Variants in CASZ1 observed in about 807,000 individuals in gnomAD.
The protein encoded by CASZ1 is castor zinc finger 1.
A neutral mutation model predicts 135.2 loss-of-function variants in CASZ1; 28 were observed. That is an observed-to-expected ratio of 0.21 (90% CI 0.15 to 0.28). The LOEUF is 0.28. Ranked by LOEUF, CASZ1 falls within the 10% of genes least tolerant of loss-of-function variation. CASZ1 has a pLI of 1.00. For synonymous variants in CASZ1, 1,068 were observed against 1,073.4 expected (o/e 0.99, Z 0.10); for missense variants, 2,161 against 2,453.3 (o/e 0.88, Z 2.52).
rs1371210277 is a variant in CASZ1, at chr1:10,645,104, G to A, written c.3697-16C>T. The A allele has an allele frequency of 6.2e-7, 1 of 1,612,096 alleles. No homozygotes were observed. The highest frequency in any genetic ancestry group is 8.5e-7 in the Non-Finnish European group (1 of 1,179,058). ...ACTCGCAGTGCTGCAGGGAGACACG[G>A]GAGGGTCAGGACAGGCGGGTGACTT... On this transcript the variant is annotated splice_polypyrimidine_tract_variant and intron_variant, in intron 17 of 20. Transcript: ENST00000377022.
rs540406457 is a variant in CASZ1, at chr1:10,699,002, C to T, written c.-23-5090G>A. ...CCACTCAGCTCCCCCACCGCTCCCC[C>T]ACCCATGGCCTGGCCTGGGTTGGGG... On this transcript the variant is annotated intron_variant, in intron 3 of 20. Coordinates refer to ENST00000377022, the MANE Select transcript of CASZ1 (RefSeq NM_001079843.3). The surrounding 1 kb of genome is among the most constrained non-coding windows in gnomAD (Gnocchi z 4.6). Among the ~76,000 whole-genome samples, 36 of 152,360 alleles carry T rather than the reference C, an allele frequency of 2.4e-4. 1 individual carries two copies. Among genetic ancestry groups the T allele is most frequent in the African/African-American group, 8.2e-4 (34 of 41,594 alleles).
chr1:10,680,297 G>GC (rs1638372385), intron 4 of CASZ1, among the ~76,000 whole-genome samples: 1 of 150,828 alleles, frequency 6.6e-6, no homozygotes, highest in South Asian at 2.1e-4. Context: ...GTGGAGGGGA[G>GC]GGGGGTGCGA....
At position 10,747,044 on chromosome 1, in the gene CASZ1, C is replaced by T. The variant is rs1034064528; in HGVS notation, c.-77+13657G>A. On this transcript the variant is annotated intron_variant, in intron 2 of 20. Coordinates refer to ENST00000377022, the MANE Select transcript of CASZ1 (RefSeq NM_001079843.3). The surrounding 1 kb of genome is among the most constrained non-coding windows in gnomAD (Gnocchi z 4.3). ...ATAGCCCCCGCTAACCAGGAGTGGACGCCCAGAAGTCCATGGAGTGACAAA... is the reference window on the plus strand; with the variant it reads ...ATAGCCCCCGCTAACCAGGAGTGGATGCCCAGAAGTCCATGGAGTGACAAA... Among the ~76,000 whole-genome samples, 3 of 152,250 alleles carry T rather than the reference C, an allele frequency of 2.0e-5. No individual in the cohort carries two copies. Among genetic ancestry groups the T allele is most frequent in the East Asian group, 1.9e-4 (1 of 5,204 alleles).
rs1642148704 is a variant in CASZ1, at chr1:10,640,038, G to C, written c.4184C>G (p.Thr1395Arg). The C allele has an allele frequency of 6.2e-7, 1 of 1,608,510 alleles. No homozygotes were observed. The highest frequency in any genetic ancestry group is 8.5e-7 in the Non-Finnish European group (1 of 1,179,584). The change falls in exon 21 of 21, where the codon ACA (threonine) becomes AGA (arginine). Residue 1395 changes from threonine to arginine, a missense_variant. Around this residue, in one of 7 missense-constraint regions of CASZ1, gnomAD observed 143 missense variants for 128.3 expected, o/e 1.11. Coordinates refer to ENST00000377022, the MANE Select transcript of CASZ1 (RefSeq NM_001079843.3). ...TAAGNTISMP[T>R]ASGAKKRFWI... is the part of the protein sequence containing the mutation. ...GAAGCGCTTTTTGGCCCCCGAGGCT[G>C]TCGGCATAGAGATGGTGTTCCCTGG...
In CASZ1 at chr1:10,676,405, C is replaced by T. The variant is rs1638223932; in HGVS notation, c.17-10834G>A. The stretch of plus-strand genomic sequence containing the variant: ...GAAGCAAAGCTCTCACTCCATCACA[C>T]AGCGTTAGCCCCAAAAGGTGACCTT... On this transcript the variant is annotated intron_variant, in intron 4 of 20. Coordinates refer to ENST00000377022, the MANE Select transcript of CASZ1 (RefSeq NM_001079843.3). The surrounding 1 kb of genome is among the most constrained non-coding windows in gnomAD (Gnocchi z 4.5). Among the ~76,000 whole-genome samples the T allele has an allele frequency of 1.3e-5, 2 of 152,234 alleles. No individual in the cohort carries two copies. Among genetic ancestry groups the T allele is most frequent in the Admixed American group, 6.5e-5 (1 of 15,290 alleles).
intron 2 of CASZ1, among the ~76,000 whole-genome samples, chr1:10,733,265 G>A (rs1639734700): frequency 6.6e-6 from 1 of 152,154 alleles, no homozygotes; most frequent in South Asian, 2.1e-4. Context: ...AACTTGACCT[G>A]GGGCCCCAGA....
Position 10,739,804 on chromosome 1 carries a change from C to A in CASZ1, c.-77+20897G>T, listed in dbSNP as rs1363490636. Among the ~76,000 whole-genome samples the A allele has an allele frequency of 6.6e-6, 1 of 152,206 alleles. No individual in the cohort carries two copies. The highest frequency in any genetic ancestry group is 1.5e-5 in the Non-Finnish European group (1 of 68,042). ...CTCTAGCACATGCCTTTTGCCACCT[C>A]CCCCACTGGTCCTGGCTCTTCCTTC... is the stretch of plus-strand genomic sequence containing the variant. On this transcript the variant is annotated intron_variant, in intron 2 of 20. Coordinates refer to ENST00000377022, the MANE Select transcript of CASZ1 (RefSeq NM_001079843.3). This position sits in a 1 kb window ranked among gnomAD's most constrained non-coding sequence, Gnocchi z 4.8.
At chr1:10,644,825 G>C in intron 18 of CASZ1, 92 bp downstream of exon 18, 1 of 1,341,540 alleles carries the variant, frequency 7.5e-7, no homozygotes, top group Non-Finnish European at 1.0e-6. Context: ...TGGGGAACAG[G>C]ACGCGGGTAC....
At chr1:10,668,914 C>A (rs980612567) in intron 4 of CASZ1, among the ~76,000 whole-genome samples, 2 of 152,234 alleles carry the variant, frequency 1.3e-5, no homozygotes, top group African/African-American at 2.4e-5. Context: ...AGAAACCTTA[C>A]CTGGCCTGGA....
rs1383257554 is a variant in CASZ1, at chr1:10,762,848, C to T, written c.-233-1991G>A. Among the ~76,000 whole-genome samples the T allele has an allele frequency of 1.3e-5, 2 of 152,218 alleles. No homozygotes were observed. Among genetic ancestry groups the T allele is most frequent in the Non-Finnish European group, 2.9e-5 (2 of 68,048 alleles). On this transcript the variant is annotated intron_variant, in intron 1 of 20. Coordinates refer to ENST00000377022, the MANE Select transcript of CASZ1 (RefSeq NM_001079843.3). The surrounding 1 kb of genome is among the most constrained non-coding windows in gnomAD (Gnocchi z 4.1). ...GGTGAACACTCTCGGTGTTTCATGTCCTTGGCTCAGAGGAGGTTCCAGCTA... is the reference window on the plus strand; with the variant it reads ...GGTGAACACTCTCGGTGTTTCATGTTCTTGGCTCAGAGGAGGTTCCAGCTA...
At position 10,701,390 on chromosome 1, in the gene CASZ1, TCA is replaced by T. The variant is rs1208903079; in HGVS notation, c.-24+4100_-24+4101del. Among the ~76,000 whole-genome samples, 2 of 152,184 alleles carry T rather than the reference TCA, an allele frequency of 1.3e-5. No homozygotes were observed. The highest frequency in any genetic ancestry group is 3.8e-4 in the East Asian group (2 of 5,198). On this transcript the variant is annotated intron_variant, in intron 3 of 20. Transcript: ENST00000377022. The surrounding 1 kb of genome is among the most constrained non-coding windows in gnomAD (Gnocchi z 6.3). ...ATTTAGCTTCTCCTGATGCTGACAA[TCA>T]CAAACTTTAATTCGCTGCCTGGCTT...
chr1:10,699,079 C>G lies in CASZ1; in HGVS notation c.-23-5167G>C, dbSNP rs1481116483. Among the ~76,000 whole-genome samples, 1 of 152,210 alleles carries G rather than the reference C, an allele frequency of 6.6e-6. No individual in the cohort carries two copies. The highest frequency in any genetic ancestry group is 1.5e-5 in the Non-Finnish European group (1 of 68,032). ...GGGGGTGGACAGGTATCACACATGGCTCCATGGCCCAGAGGCTGCTTGCTC... is the reference window on the plus strand; with the variant it reads ...GGGGGTGGACAGGTATCACACATGGGTCCATGGCCCAGAGGCTGCTTGCTC... On this transcript the variant is annotated intron_variant, in intron 3 of 20. Transcript: ENST00000377022. The surrounding 1 kb of genome is among the most constrained non-coding windows in gnomAD (Gnocchi z 4.6).
rs1361225413 is a variant in CASZ1 at position 10,707,663 on chromosome 1, C to A, written c.-76-2119G>T. Among the ~76,000 whole-genome samples, 3 of 152,108 alleles carry A rather than the reference C, an allele frequency of 2.0e-5. No individual in the cohort carries two copies. The highest frequency in any genetic ancestry group is 4.8e-5 in the African/African-American group (2 of 41,390). ...CAGGGAAGCTGTCCCTGGGTGGGATCTGGGACCCTGGGATACTGGGACCCC... is the reference window on the plus strand; with the variant it reads ...CAGGGAAGCTGTCCCTGGGTGGGATATGGGACCCTGGGATACTGGGACCCC... On this transcript the variant is annotated intron_variant, in intron 2 of 20. Transcript: ENST00000377022. The surrounding 1 kb of genome is among the most constrained non-coding windows in gnomAD (Gnocchi z 5.0).
At chr1:10,744,937 T>C (rs1173638293) in intron 2 of CASZ1, among the ~76,000 whole-genome samples, 26 of 152,074 alleles carry the variant, frequency 1.7e-4, no homozygotes, top group Admixed American at 1.7e-3. Context: ...CAATACCCCC[T>C]AAGACTCCAC....
chr1:10,763,331 C>G (rs11805825), intron 1 of CASZ1, among the ~76,000 whole-genome samples: 10,639 of 152,208 alleles, frequency 0.07, 595 homozygotes, highest in African/African-American at 0.15. Context: ...CCGAGTCCCA[C>G]TTCTGTCCCC....
In CASZ1 at chr1:10,767,689, C is replaced by G. The variant is rs951923629; in HGVS notation, c.-233-6832G>C. Among the ~76,000 whole-genome samples the G allele has an allele frequency of 6.6e-6, 1 of 152,180 alleles. No homozygotes were observed. Among genetic ancestry groups the G allele is most frequent in the South Asian group, 2.1e-4 (1 of 4,826 alleles). ...TTAATGTTCTCTATAATTCATCCATCGCAGAAGATAATCGATAGAGCCCGT... is the reference window on the plus strand; with the variant it reads ...TTAATGTTCTCTATAATTCATCCATGGCAGAAGATAATCGATAGAGCCCGT... On this transcript the variant is annotated intron_variant, in intron 1 of 20. Coordinates refer to ENST00000377022, the MANE Select transcript of CASZ1 (RefSeq NM_001079843.3). This position sits in a 1 kb window ranked among gnomAD's most constrained non-coding sequence, Gnocchi z 4.2.
At chr1:10,687,601 C>T (rs954064164) in intron 4 of CASZ1, among the ~76,000 whole-genome samples, 4 of 152,214 alleles carry the variant, frequency 2.6e-5, no homozygotes, top group African/African-American at 9.7e-5. Context: ...TGGAGGGATC[C>T]CGGAAGCGGG....
chr1:10,705,212 C>T (rs558958180), intron 3 of CASZ1, among the ~76,000 whole-genome samples: 2 of 152,374 alleles, frequency 1.3e-5, no homozygotes, highest in Admixed American at 1.3e-4. Flanking sequence ...CCCACTGCCC[C>T]ACACTGCCCT....
chr1:10,691,951 G>A (rs953622403), intron 4 of CASZ1, among the ~76,000 whole-genome samples: 2 of 152,204 alleles, frequency 1.3e-5, no homozygotes, highest in African/African-American at 2.4e-5. Context: ...GAGTCCCACT[G>A]GGAGTGCTCT....
Sources: allele counts gnomAD v4.1 joint callset (sites outside exome capture counted in the v4.1 genomes callset), GRCh38; gene constraint gnomAD v4.1.1; regional missense constraint gnomAD v4.1.1; non-coding constraint Gnocchi (gnomAD v3.1); transcripts MANE v1.5; gene names NCBI Gene and HGNC (gene_info 2026-07-23, HGNC 2026-07-21).